MGST3: variants seen among roughly 807,000 people sequenced by gnomAD.
MGST3 encodes glutathione S-transferase 3, mitochondrial.
MGST3 carries 13 observed loss-of-function variants against 15.8 expected under a neutral mutation model. That is an observed-to-expected ratio of 0.82 (90% confidence interval 0.54 to 1.31). The LOEUF (loss-of-function observed/expected upper bound fraction) is 1.31, where lower values mean the gene tolerates loss of function less well. Ranked by LOEUF, MGST3 falls within the 50% of genes most tolerant of loss-of-function variation. The pLI is 0.00. For missense variants in MGST3, 155 were observed against 192.4 expected (o/e 0.81, Z 1.15); for synonymous variants, 49 against 68.1 (o/e 0.72, Z 1.38).
intron 4 of MGST3, among the ~76,000 whole-genome samples, chr1:165,652,650 C>T (rs907519428): frequency 3.3e-5 from 5 of 152,166 alleles, no homozygotes; most frequent in Non-Finnish European, 7.3e-5. Flanking sequence ...GGTGAGGGAG[C>T]AGGTGCTGCA....
At chr1:165,650,562 CT>C (rs1648523605) in intron 2 of MGST3, 1 of 183,064 alleles carries the variant, frequency 5.5e-6, no homozygotes, top group South Asian at 1.1e-4. Flanking sequence ...TTAGTTTCTT[CT>C]TTTTTTTCCC....
At chr1:165,632,167 G>A in intron 1 of MGST3, 1 of 1,427,268 alleles carries the variant, frequency 7.0e-7, no homozygotes, top group Non-Finnish European at 9.9e-7. Context: ...CGAGGTAAAG[G>A]AAAAGCAGAT....
chr1:165,650,896 A>T lies in MGST3; in HGVS notation c.118-118A>T, dbSNP rs1648533330. 4.7e-6 allele frequency: 4 copies of T among 842,320 alleles called. No homozygotes were observed. The East Asian group carries it at 9.8e-5, about 21-fold the overall frequency. 52.2% of individuals were successfully genotyped at this position (842,320 alleles called of 1,614,324 possible). ...ATATTTAAGCAGAAATTGAATGGTCATCTATCAAGGGTGTGAAAGAAGATA... is the reference window on the plus strand; with the variant it reads ...ATATTTAAGCAGAAATTGAATGGTCTTCTATCAAGGGTGTGAAAGAAGATA... On this transcript the variant is annotated intron_variant, in intron 2 of 5. Transcript: ENST00000367889.
intron 2 of MGST3, chr1:165,650,246 T>A: frequency 6.6e-6 from 3 of 455,252 alleles, no homozygotes; most frequent in Non-Finnish European, 4.1e-6. Flanking sequence ...AGCTATTTGC[T>A]AGGAAGAGAG....
chr1:165,632,432 T>A (rs1300924870), intron 1 of MGST3, among the ~76,000 whole-genome samples: 1 of 152,216 alleles, frequency 6.6e-6, no homozygotes, highest in Non-Finnish European at 1.5e-5. Context: ...AGTTACAGGC[T>A]ATATTTTATT....
At chr1:165,648,216 G>A (rs947157839) in intron 1 of MGST3, among the ~76,000 whole-genome samples, 1 of 152,270 alleles carries the variant, frequency 6.6e-6, no homozygotes, top group Admixed American at 6.5e-5. Flanking sequence ...CTGCTGACCT[G>A]TGGAACCAGC....
At chr1:165,645,247 A>T (rs2101720013) in intron 1 of MGST3, among the ~76,000 whole-genome samples, 2 of 152,136 alleles carry the variant, frequency 1.3e-5, no homozygotes, top group East Asian at 3.9e-4. Context: ...TTTTTATTTC[A>T]TAGTTACTTT....
chr1:165,649,654 G>C (rs570922158), intron 1 of MGST3, 187 bp from the exon 2 acceptor site: 1 of 647,436 alleles, frequency 1.5e-6, no homozygotes, highest in East Asian at 2.9e-5. Context: ...GCATAGTTGA[G>C]TAATTTTTAA....
chr1:165,641,317 C>T (rs1190852727), intron 1 of MGST3, among the ~76,000 whole-genome samples: 1 of 152,226 alleles, frequency 6.6e-6, no homozygotes, highest in Non-Finnish European at 1.5e-5. Context: ...CCCCACCCCT[C>T]AGCAGTTCCT....
chr1:165,649,871 T>C lies in MGST3; in HGVS notation c.24T>C (p.Tyr8=), dbSNP rs373285783. Residue 8 remains tyrosine, a synonymous_variant, in exon 2 of 6, where the codon TAT becomes TAC. Transcript: ENST00000367889. MAVLSKE[Y]GFVLLTGAAS... is the part of the protein sequence containing the mutation. ...AGATGGCTGTCCTCTCTAAGGAATA[T>C]GGTTTTGTGCTTCTAACTGGTGCTG... 6 of 1,614,056 alleles carry C rather than the reference T, an allele frequency of 3.7e-6. No individual in the cohort carries two copies. In the African/African-American group the frequency reaches 5.3e-5, roughly 14 times the overall value.
chr1:165,637,672 G>T (rs1395454604), intron 1 of MGST3, among the ~76,000 whole-genome samples: 5 of 152,176 alleles, frequency 3.3e-5, no homozygotes, highest in African/African-American at 4.8e-5. Context: ...CAACATTTTG[G>T]TATTTGAATA....
chr1:165,634,435 T>A lies in MGST3; in HGVS notation c.-8+3142T>A, dbSNP rs9333387. On this transcript the variant is annotated intron_variant, in intron 1 of 5. Transcript: ENST00000367889. ...AACTGCTTAGAACAAGGTTTGCCCCTTACTAAATACTGTGCACGGTGGTAA... is the reference window on the plus strand; with the variant it reads ...AACTGCTTAGAACAAGGTTTGCCCCATACTAAATACTGTGCACGGTGGTAA... 6.4e-3 allele frequency among the ~76,000 whole-genome samples: 973 copies of A among 152,050 alleles called. 13 individuals carry two copies. The highest frequency in any genetic ancestry group is 0.046 in the East Asian group (237 of 5,168).
At chr1:165,654,481 A>C in intron 5 of MGST3, 130 bp downstream of exon 5, 1 of 818,778 alleles carries the variant, frequency 1.2e-6, no homozygotes, top group South Asian at 1.4e-5. Flanking sequence ...GCTTGAGCTC[A>C]GGAGTTGGAT....
intron 1 of MGST3, chr1:165,649,587 C>T (rs1471758253): frequency 4.4e-6 from 2 of 449,616 alleles, no homozygotes; most frequent in Admixed American, 7.0e-5. Flanking sequence ...ATCAGAATCT[C>T]CCAGGCACAA....
At chr1:165,646,198 C>T (rs1227110485) in intron 1 of MGST3, 3 of 152,208 alleles carry the variant, frequency 2.0e-5, no homozygotes, top group Non-Finnish European at 2.9e-5. Context: ...CTGGCACAAC[C>T]CAGGGTGTGG....
chr1:165,633,611 T>C (rs1270043695), intron 1 of MGST3, among the ~76,000 whole-genome samples: 1 of 152,180 alleles, frequency 6.6e-6, no homozygotes, highest in Non-Finnish European at 1.5e-5. Context: ...GTCGAACCCC[T>C]GTTTCAGGCA....
At chr1:165,640,260 A>T (rs1648226466) in intron 1 of MGST3, among the ~76,000 whole-genome samples, 1 of 151,626 alleles carries the variant, frequency 6.6e-6, no homozygotes, top group Non-Finnish European at 1.5e-5. Context: ...CTGAAAGAAG[A>T]AGTCAGTCTT....
At chr1:165,635,567 G>C (rs562506499) in intron 1 of MGST3, among the ~76,000 whole-genome samples, 1 of 152,332 alleles carries the variant, frequency 6.6e-6, no homozygotes, top group East Asian at 1.9e-4. Context: ...CTCCCAGCCA[G>C]TGCAGCCATG....
intron 4 of MGST3, chr1:165,653,804 T>A (rs1490485628): frequency 9.3e-6 from 2 of 215,600 alleles, no homozygotes; most frequent in Non-Finnish European, 1.9e-5. Context: ...CAGAACCACC[T>A]GAGCCCAGCC....
Sources: gnomAD v4.1 joint callset for allele counts (sites outside exome capture counted in the v4.1 genomes callset) on GRCh38, gnomAD v4.1.1 for gene constraint, MANE v1.5 for transcripts, NCBI Gene and HGNC (gene_info 2026-07-23, HGNC 2026-07-21) for gene names.